Variants in FBXW10B observed in about 807,000 individuals in gnomAD.
The protein encoded by FBXW10B is F-box and WD repeat domain containing 10B.
chr17:15,566,041 A>C, the FBXW10B span: 3 of 1,609,332 alleles, frequency 1.9e-6, no homozygotes, highest in Non-Finnish European at 2.5e-6. Flanking sequence ...TTCAAGGGGA[A>C]TACTGGTTCG....
At chr17:15,601,070 A>AAAAAAAAAAAAAAAAAT in the FBXW10B span, among the ~76,000 whole-genome samples, 1 of 146,660 alleles carries the variant, frequency 6.8e-6, no homozygotes, top group Non-Finnish European at 1.5e-5. Context: ...AAAAAAAAAA[A>AAAAAAAAAAAAAAAAAT]GATAATATAT....
the FBXW10B span, among the ~76,000 whole-genome samples, chr17:15,566,999 C>T: frequency 1.4e-3 from 218 of 151,480 alleles, 1 homozygote; most frequent in Middle Eastern, 3.4e-3. Flanking sequence ...AGGCCGGGCG[C>T]GGTGGCTCAC....
chr17:15,594,263 G>A, the FBXW10B span, among the ~76,000 whole-genome samples: 1 of 152,002 alleles, frequency 6.6e-6, no homozygotes, highest in African/African-American at 2.4e-5. Context: ...ATGAGGTCAG[G>A]AGATTAAAAC....
the FBXW10B span, among the ~76,000 whole-genome samples, chr17:15,592,174 T>G: frequency 6.6e-6 from 1 of 152,188 alleles, no homozygotes. Context: ...TTGTTTTGGC[T>G]GGAACTGCTG....
At chr17:15,615,657 C>T in the FBXW10B span, 5 of 1,613,870 alleles carry the variant, frequency 3.1e-6, no homozygotes, top group South Asian at 2.2e-5. Flanking sequence ...GGGTTAGATG[C>T]TGCCCCAAGG....
chr17:15,577,647 A>C, the FBXW10B span, among the ~76,000 whole-genome samples: 1,286 of 152,306 alleles, frequency 8.4e-3, 18 homozygotes, highest in African/African-American at 0.029. Context: ...ATTTTGCCTA[A>C]TGTCTCTTCA....
the FBXW10B span, among the ~76,000 whole-genome samples, chr17:15,617,100 G>A: frequency 6.6e-6 from 1 of 152,128 alleles, no homozygotes; most frequent in Non-Finnish European, 1.5e-5. Context: ...AAATATTAAG[G>A]ATATTAAGTC....
At chr17:15,575,295 A>T in the FBXW10B span, among the ~76,000 whole-genome samples, 1 of 142,208 alleles carries the variant, frequency 7.0e-6, no homozygotes, top group Non-Finnish European at 1.5e-5. Flanking sequence ...AGACCTGGAG[A>T]CCAACTGGCC....
At chr17:15,594,611 GA>G in the FBXW10B span, 20 of 942,036 alleles carry the variant, frequency 2.1e-5, no homozygotes, top group African/African-American at 2.8e-4. Flanking sequence ...GGTGGAAGAG[GA>G]GGGAAGCAGA....
the FBXW10B span, among the ~76,000 whole-genome samples, chr17:15,569,326 C>CT: frequency 6.6e-6 from 1 of 151,880 alleles, no homozygotes. Flanking sequence ...AACAATAGCT[C>CT]TTCTGACTGG....
At chr17:15,615,504 G>T in the FBXW10B span, 2 of 1,422,068 alleles carry the variant, frequency 1.4e-6, no homozygotes. Flanking sequence ...TAGTAGAGAC[G>T]GGGTTTCACC....
chr17:15,585,339 T>A, the FBXW10B span, among the ~76,000 whole-genome samples: 13,126 of 152,000 alleles, frequency 0.086, 1,406 homozygotes, highest in African/African-American at 0.26. Context: ...AAAGATAAAA[T>A]TTTTTAAAAA....
the FBXW10B span, among the ~76,000 whole-genome samples, chr17:15,601,049 CAAAAAAA>C: frequency 7.1e-5 from 2 of 28,258 alleles, no homozygotes; most frequent in Non-Finnish European, 1.2e-4. Context: ...GACTCCATCT[CAAAAAAA>C]AAAAAAAAAA....
chr17:15,588,849 C>T, the FBXW10B span: 1 of 1,613,730 alleles, frequency 6.2e-7, no homozygotes, highest in Non-Finnish European at 8.5e-7. Flanking sequence ...TGCCTTTTTC[C>T]AGCCCGTTGC....
chr17:15,586,558 T>G, the FBXW10B span, among the ~76,000 whole-genome samples: 1,087 of 151,802 alleles, frequency 7.2e-3, 41 homozygotes, highest in African/African-American at 0.025. Flanking sequence ...AGTCTTTTCA[T>G]AATATGCATT....
At chr17:15,592,299 T>G in the FBXW10B span, among the ~76,000 whole-genome samples, 1 of 144,370 alleles carries the variant, frequency 6.9e-6, no homozygotes, top group African/African-American at 2.6e-5. Flanking sequence ...GCCAGAGTTT[T>G]TTTTTTTTTT....
At chr17:15,573,696 G>A in the FBXW10B span, 16,420 of 159,140 alleles carry the variant, frequency 0.1, 1,022 homozygotes, top group South Asian at 0.24. Context: ...TTGCCTGTTT[G>A]TTACTGAGCT....
the FBXW10B span, among the ~76,000 whole-genome samples, chr17:15,589,701 G>A: frequency 2.0e-5 from 3 of 152,016 alleles, no homozygotes; most frequent in South Asian, 4.1e-4. Context: ...AATTAGTCAA[G>A]TAATTAGTGT....
the FBXW10B span, among the ~76,000 whole-genome samples, chr17:15,583,073 C>A: frequency 1.3e-5 from 2 of 149,784 alleles, no homozygotes; most frequent in African/African-American, 4.9e-5. Flanking sequence ...TTCTAAAAAG[C>A]AGATCTGATC....
Sources: gnomAD v4.1 joint callset for allele counts (sites outside exome capture counted in the v4.1 genomes callset) on GRCh38, gnomAD v4.1.1 for gene constraint, MANE v1.5 for transcripts, NCBI Gene and HGNC (gene_info 2026-07-23, HGNC 2026-07-21) for gene names.